Variants in SENP6 observed in about 807,000 individuals in gnomAD.
The protein encoded by SENP6 is SUMO specific peptidase 6.
In SENP6, 41 loss-of-function variants were observed where a neutral mutation model predicts 134.5. The ratio of observed to expected loss-of-function variants is 0.30; its 90% confidence interval spans 0.24 to 0.40. The LOEUF (loss-of-function observed/expected upper bound fraction) is 0.40. SENP6 is among the 10% of genes least tolerant of loss of function. The pLI is 1.00. For synonymous variants in SENP6, 395 were observed against 429.8 expected, an observed-to-expected ratio of 0.92 and a Z score of 1.00; for missense variants, 1,248 against 1,312.5, an observed-to-expected ratio of 0.95 and a Z score of 0.76.
At chr6:75,659,864 C>T (rs1400227063) in intron 8 of SENP6, among the ~76,000 whole-genome samples, 1 of 151,984 alleles carries the variant, frequency 6.6e-6, no homozygotes, top group African/African-American at 2.4e-5. Flanking sequence ...AGCATGATGC[C>T]CATTTACCAT....
At chr6:75,643,711 C>T (rs911149155) in intron 6 of SENP6, among the ~76,000 whole-genome samples, 1 of 151,748 alleles carries the variant, frequency 6.6e-6, no homozygotes, top group African/African-American at 2.4e-5. Context: ...GACAGCAAGG[C>T]GCCATCTCAA....
chr6:75,621,730 GAA>G, intron 2 of SENP6, 105 bp downstream of exon 2: 1 of 638,808 alleles, frequency 1.6e-6, no homozygotes, highest in Non-Finnish European at 2.7e-6. Flanking sequence ...GTATTCTTAA[GAA>G]AACATATAAC....
intron 3 of SENP6, among the ~76,000 whole-genome samples, chr6:75,631,833 A>G (rs1769134735): frequency 6.6e-6 from 1 of 152,208 alleles, no homozygotes; most frequent in Admixed American, 6.5e-5. Flanking sequence ...AATGTATTTC[A>G]TAGATTGATA....
At chr6:75,692,598 C>A (rs779563746) in intron 16 of SENP6, among the ~76,000 whole-genome samples, 2 of 152,018 alleles carry the variant, frequency 1.3e-5, no homozygotes, top group Non-Finnish European at 2.9e-5. Flanking sequence ...TGCACTCCAG[C>A]CTGGGCGAGA....
Position 75,713,817 on chromosome 6 carries a change from T to G in SENP6, c.3121T>G (p.Phe1041Val), listed in dbSNP as rs761727297. 1.3e-6 allele frequency: 2 copies of G among 1,571,198 alleles called. No homozygotes were observed. Among genetic ancestry groups the G allele is most frequent in the South Asian group, 2.4e-5 (2 of 81,828 alleles). The change falls in exon 23 of 24, where the codon TTT becomes GTT. Residue 1041 changes from phenylalanine to valine, a missense_variant. By Grantham distance (50) the Phe-to-Val change is conservative. Transcript: ENST00000447266. ...ATATGTATTGCAGTATGTAGAGAGC[T>G]TTTTTGAGGTGGGTTTCAATTTGTT... is the stretch of plus-strand genomic sequence containing the variant. ...GVYVLQYVESFFENPILSFEL... is the reference protein window; with the variant it reads ...GVYVLQYVESVFENPILSFEL...
intron 7 of SENP6, among the ~76,000 whole-genome samples, chr6:75,649,954 T>A (rs1770745070): frequency 6.6e-6 from 1 of 152,230 alleles, no homozygotes; most frequent in Non-Finnish European, 1.5e-5. Context: ...AACTAAGAAA[T>A]TGGTATAAGA....
chr6:75,675,877 G>T lies in SENP6; in HGVS notation c.1444G>T (p.Val482Leu), dbSNP rs1326159616. Residue 482 changes from valine to leucine, a missense_variant, in exon 13 of 24, where the codon GTA (valine) becomes TTA (leucine). Physicochemically the swap from Val to Leu is conservative, Grantham distance 32. Transcript: ENST00000447266. ...TCCTCCAGAACCAGACCATGATCCT[G>T]TAGAGATTATATTAAATACCTCTGA... ...IQLDEPDHDP[V>L]EIILNTSDLT... 10 of 1,598,460 alleles carry T rather than the reference G, an allele frequency of 6.3e-6. No individual in the cohort carries two copies. The South Asian group carries it at 1.0e-4, about 16-fold the overall frequency.
chr6:75,603,310 G>C (rs908060829), intron 1 of SENP6, among the ~76,000 whole-genome samples: 8 of 152,038 alleles, frequency 5.3e-5, no homozygotes, highest in African/African-American at 1.9e-4. Context: ...GGTGGTAATG[G>C]GGAACAATAT....
intron 14 of SENP6, 184 bp from the exon 15 acceptor site, chr6:75,678,399 A>G: frequency 1.9e-6 from 1 of 518,556 alleles, no homozygotes; most frequent in Non-Finnish European, 3.4e-6. Context: ...GAAGCTACAG[A>G]TAATAAGAAA....
Position 75,670,582 on chromosome 6 carries a change from G to A in SENP6, c.1254G>A (p.Leu418=). 1.2e-6 allele frequency: 2 copies of A among 1,611,570 alleles called. No homozygotes were observed. Among genetic ancestry groups the A allele is most frequent in the Admixed American group, 1.7e-5 (1 of 59,880 alleles). ...GCAATTCTATTATCAACACACCTCT[G>A]AAACGTCGTAAAGTGTTTTCTCAAG... is the stretch of plus-strand genomic sequence containing the variant. ...QFGNSIINTP[L]KRRKVFSQEP... The change falls in exon 11 of 24, where the codon CTG becomes CTA. Residue 418 remains leucine (L), a synonymous_variant. Transcript: ENST00000447266.
intron 23 of SENP6, among the ~76,000 whole-genome samples, 165 bp from the exon 24 acceptor site, chr6:75,715,220 G>T (rs377093294): frequency 6.6e-6 from 1 of 152,132 alleles, no homozygotes; most frequent in Non-Finnish European, 1.5e-5. Flanking sequence ...ACTGTGTCTT[G>T]TATCTCCAAT....
Position 75,713,508 on chromosome 6 carries a change from T to C in SENP6, c.2910-5T>C. ...ATTCGACTTTTGGTCATTTTTACCC[T>C]GCAGACCTTGTATCCTACTTATGGA... On this transcript the variant is annotated splice_region_variant and splice_polypyrimidine_tract_variant and intron_variant, in intron 21 of 23. Transcript: ENST00000447266. The C allele has an allele frequency of 6.2e-7, 1 of 1,612,076 alleles. No individual in the cohort carries two copies. Among genetic ancestry groups the C allele is most frequent in the Non-Finnish European group, 8.5e-7 (1 of 1,178,982 alleles).
intron 5 of SENP6, among the ~76,000 whole-genome samples, chr6:75,637,868 GT>G (rs949083017): frequency 6.6e-6 from 1 of 151,976 alleles, no homozygotes; most frequent in African/African-American, 2.4e-5. Flanking sequence ...GGTTTTTTGT[GT>G]TTGTTTGAGA....
At chr6:75,628,199 C>G (rs1014558530) in intron 3 of SENP6, among the ~76,000 whole-genome samples, 8 of 151,978 alleles carry the variant, frequency 5.3e-5, no homozygotes, top group Non-Finnish European at 1.2e-4. Flanking sequence ...ATTCATATTT[C>G]TTCTGTTCAG....
intron 9 of SENP6, among the ~76,000 whole-genome samples, chr6:75,665,480 T>C (rs1219698812): frequency 2.6e-5 from 4 of 152,148 alleles, no homozygotes; most frequent in Non-Finnish European, 5.9e-5. Flanking sequence ...GGCCAGATTA[T>C]GTAAATTTAC....
At chr6:75,685,687 C>T (rs1773788013) in intron 16 of SENP6, among the ~76,000 whole-genome samples, 1 of 152,140 alleles carries the variant, frequency 6.6e-6, no homozygotes, top group Non-Finnish European at 1.5e-5. Flanking sequence ...TGTTCAGTTT[C>T]CATGTAGTTG....
chr6:75,698,024 A>ATAG (rs1478895376), intron 18 of SENP6: 2 of 152,414 alleles, frequency 1.3e-5, no homozygotes, highest in African/African-American at 4.8e-5. Flanking sequence ...CAATGACTAG[A>ATAG]TAGTAGTATT....
At chr6:75,677,525 T>C (rs1397085650) in intron 14 of SENP6, 7 of 273,998 alleles carry the variant, frequency 2.6e-5, no homozygotes, top group Non-Finnish European at 4.1e-5. Context: ...TTCTCTGTCA[T>C]CCTTTTTTCT....
At chr6:75,636,070 T>C (rs1769489378) in intron 5 of SENP6, among the ~76,000 whole-genome samples, 3 of 152,202 alleles carry the variant, frequency 2.0e-5, no homozygotes, top group South Asian at 4.1e-4. Flanking sequence ...CCGTTAATAG[T>C]CTGGAAATTG....
Sources: allele counts gnomAD v4.1 joint callset (sites outside exome capture counted in the v4.1 genomes callset), GRCh38; gene constraint gnomAD v4.1.1; transcripts MANE v1.5; gene names NCBI Gene and HGNC (gene_info 2026-07-23, HGNC 2026-07-21).